ATCAY: variants seen among roughly 807,000 people sequenced by gnomAD.
ATCAY encodes the protein caytaxin.
In ATCAY, 22 loss-of-function variants were observed where a neutral mutation model predicts 47.7. The observed-to-expected ratio is 0.46, with a 90% CI of 0.33 to 0.66. The LOEUF is 0.66. Among genes scored for constraint, ATCAY ranks in the 30% least tolerant of loss-of-function variants. ATCAY has a pLI of 0.02. For missense variants in ATCAY, 452 were observed against 515.0 expected (o/e 0.88, Z 1.18); for synonymous variants, 216 against 207.6 (o/e 1.04, Z -0.35).
intron 9 of ATCAY, among the ~76,000 whole-genome samples, chr19:3,917,404 GA>G (rs1305668403): frequency 6.6e-6 from 1 of 151,802 alleles, no homozygotes; most frequent in Non-Finnish European, 1.5e-5. Context: ...CCAACATAGG[GA>G]AACCCCGTCT....
At position 3,908,384 on chromosome 19, in the gene ATCAY, C is replaced by A. The variant is rs755568668; in HGVS notation, c.647+14C>A. On this transcript the variant is annotated intron_variant, in intron 6 of 12. Coordinates refer to ENST00000450849, the MANE Select transcript of ATCAY (RefSeq NM_033064.5). ...GAACCTCTTCCTGTGAGTCCCCGCCCGCGGCGAGCAGCCTCGGGCCAGCTC... is the reference window on the plus strand; with the variant it reads ...GAACCTCTTCCTGTGAGTCCCCGCCAGCGGCGAGCAGCCTCGGGCCAGCTC... The A allele has an allele frequency of 6.4e-7, 1 of 1,570,080 alleles. No homozygotes were observed. Among genetic ancestry groups the A allele is most frequent in the South Asian group, 1.2e-5 (1 of 85,786 alleles).
chr19:3,907,892 C>A lies in ATCAY; in HGVS notation c.517C>A (p.Pro173Thr). 2.5e-6 allele frequency: 4 copies of A among 1,613,916 alleles called. No individual in the cohort carries two copies. Among genetic ancestry groups the A allele is most frequent in the Non-Finnish European group, 3.4e-6 (4 of 1,179,818 alleles). The part of the protein sequence containing the change: ...EHRIDLHMIR[P>T]YMKVVTHGGY... Reference sequence around the variant, plus strand: ...CCGTATAGACCTGCACATGATCCGGCCTTACATGAAAGTGGTCACCCACGG... The same window carrying A: ...CCGTATAGACCTGCACATGATCCGGACTTACATGAAAGTGGTCACCCACGG... The change falls in exon 5 of 13, where the codon CCT becomes ACT. Residue 173 changes from proline (P) to threonine (T), a missense_variant. Physicochemically the swap from Pro to Thr is conservative, Grantham distance 38 (BLOSUM62 -1). Transcript: ENST00000450849. The surrounding 1 kb of genome is among the most constrained non-coding windows in gnomAD (Gnocchi z 5.1).
At chr19:3,914,231 A>G (rs2038947128) in intron 9 of ATCAY, among the ~76,000 whole-genome samples, 1 of 146,020 alleles carries the variant, frequency 6.8e-6, no homozygotes, top group Admixed American at 6.9e-5. Context: ...GCGAGACTCC[A>G]TCGCAAAAAA....
rs1395129476 is a variant in ATCAY at position 3,908,181 on chromosome 19, G to A, written c.545-87G>A. ...GGAGCCATGCCCTCCCGAGCGTGTGGGCACCGGGACGTGGTGGGTGGTGCG... is the reference window on the plus strand; with the variant it reads ...GGAGCCATGCCCTCCCGAGCGTGTGAGCACCGGGACGTGGTGGGTGGTGCG... On this transcript the variant is annotated intron_variant, in intron 5 of 12. Transcript: ENST00000450849. 8 of 1,218,248 alleles carry A rather than the reference G, an allele frequency of 6.6e-6. No individual in the cohort carries two copies. The Admixed American group carries it at 1.2e-4, about 18-fold the overall frequency. The allele number at this position is 1,218,248 out of a possible 1,614,324, so 75.5% of individuals were successfully genotyped here.
At chr19:3,908,452 C>T in intron 6 of ATCAY, 82 bp downstream of exon 6, 2 of 1,290,326 alleles carry the variant, frequency 1.5e-6, no homozygotes, top group Admixed American at 2.0e-5. Context: ...GCAAGGATTG[C>T]ATTGTGGCCC....
intron 8 of ATCAY, among the ~76,000 whole-genome samples, chr19:3,911,463 G>A (rs2038922010): frequency 1.3e-5 from 2 of 152,032 alleles, no homozygotes; most frequent in Admixed American, 1.3e-4. Context: ...GGTAGAGGCT[G>A]CAGTGAGCTA....
At chr19:3,906,404 G>A (rs1264548253) in intron 4 of ATCAY, among the ~76,000 whole-genome samples, 2 of 150,680 alleles carry the variant, frequency 1.3e-5, no homozygotes, top group Admixed American at 1.3e-4. Context: ...CCGGGTTCAA[G>A]CGATTCTTTT....
At chr19:3,919,274 AAAAT>A (rs2038995400) in intron 11 of ATCAY, among the ~76,000 whole-genome samples, 1 of 149,500 alleles carries the variant, frequency 6.7e-6, no homozygotes. Context: ...CCATCTCAAA[AAAAT>A]AAATAAACAA....
At chr19:3,892,117 T>G (rs1277572377) in intron 2 of ATCAY, among the ~76,000 whole-genome samples, 1 of 152,048 alleles carries the variant, frequency 6.6e-6, no homozygotes, top group Non-Finnish European at 1.5e-5. Flanking sequence ...CTCGAACTAC[T>G]GACCTCAAGT....
In ATCAY at chr19:3,907,688, T is replaced by C. The variant is rs1415258420; in HGVS notation, c.359-46T>C. On this transcript the variant is annotated intron_variant, in intron 4 of 12. Coordinates refer to ENST00000450849, the MANE Select transcript of ATCAY (RefSeq NM_033064.5). This position sits in a 1 kb window ranked among gnomAD's most constrained non-coding sequence, Gnocchi z 5.1. The stretch of plus-strand genomic sequence containing the variant: ...GAAGGCTGAGCAGGAGGGCAGGAGA[T>C]ATCCGGACTCTGGCGTCCATGCGAC... 25 of 1,607,198 alleles carry C rather than the reference T, an allele frequency of 1.6e-5. No homozygotes were observed. The highest frequency in any genetic ancestry group is 2.0e-5 in the Non-Finnish European group (24 of 1,176,006).
chr19:3,881,576 G>T (rs1599271331), intron 1 of ATCAY, among the ~76,000 whole-genome samples: 1 of 151,924 alleles, frequency 6.6e-6, no homozygotes, highest in East Asian at 1.9e-4. Flanking sequence ...GTCTTCTTTT[G>T]GCCGTCCCCA....
At chr19:3,908,204 G>A (rs1018171943) in intron 5 of ATCAY, 64 bp from the exon 6 acceptor site, 63 of 1,407,282 alleles carry the variant, frequency 4.5e-5, no homozygotes, top group South Asian at 9.9e-5. Flanking sequence ...GGTGGGTGGT[G>A]CGCGGGAGGC....
intron 5 of ATCAY, 91 bp downstream of exon 5, chr19:3,908,010 G>A (rs924330449): frequency 6.1e-6 from 9 of 1,470,112 alleles, no homozygotes; most frequent in Middle Eastern, 1.7e-4. Flanking sequence ...GATGCACGGG[G>A]ATGTTAAGCC....
At chr19:3,884,825 A>G (rs1228608439) in intron 1 of ATCAY, among the ~76,000 whole-genome samples, 3 of 152,026 alleles carry the variant, frequency 2.0e-5, no homozygotes, top group Non-Finnish European at 4.4e-5. Flanking sequence ...GGCCGGGCAC[A>G]GTGGTTTACC....
intron 2 of ATCAY, among the ~76,000 whole-genome samples, chr19:3,901,577 A>C (rs1425037742): frequency 6.6e-6 from 1 of 152,172 alleles, no homozygotes; most frequent in Non-Finnish European, 1.5e-5. Context: ...AAGTCATGTG[A>C]TGCTGGGGAA....
At chr19:3,917,660 C>A in intron 9 of ATCAY, 82 bp from the exon 10 acceptor site, 2 of 1,378,468 alleles carry the variant, frequency 1.5e-6, no homozygotes, top group Middle Eastern at 1.9e-4. Context: ...TGTTTCTCTG[C>A]TTGAAAAGGA....
In ATCAY at chr19:3,924,983, C is replaced by T. The variant is rs765579267; in HGVS notation, c.*391C>T. ...CAAGACCCTTCTCTTGCTTGTCACC[C>T]GCTCCAGGTTGGAGCCACAGACACC... On this transcript the variant is annotated 3_prime_UTR_variant, in exon 13 of 13. Coordinates refer to ENST00000450849, the MANE Select transcript of ATCAY (RefSeq NM_033064.5). 3.5e-4 allele frequency: 63 copies of T among 180,044 alleles called. No individual in the cohort carries two copies. The highest frequency in any genetic ancestry group is 7.1e-4 in the Non-Finnish European group (60 of 85,092). 11.2% of individuals were successfully genotyped at this position (180,044 alleles called of 1,614,324 possible).
At chr19:3,887,578 C>T (rs1301249231) in intron 2 of ATCAY, among the ~76,000 whole-genome samples, 1 of 151,268 alleles carries the variant, frequency 6.6e-6, no homozygotes, top group Non-Finnish European at 1.5e-5. Context: ...GCTCCGCCTC[C>T]CGGGTTCACG....
chr19:3,924,882 C>T lies in ATCAY; in HGVS notation c.*290C>T, dbSNP rs2039052995. The T allele has an allele frequency of 2.4e-6, 1 of 423,156 alleles. No homozygotes were observed. The highest frequency in any genetic ancestry group is 4.3e-6 in the Non-Finnish European group (1 of 233,392). 26.2% of individuals were successfully genotyped at this position (423,156 alleles called of 1,614,324 possible). A position where few individuals can be genotyped will look rare whatever the true frequency, so the allele number is the denominator to read the frequency against. On this transcript the variant is annotated 3_prime_UTR_variant, in exon 13 of 13. Coordinates refer to ENST00000450849, the MANE Select transcript of ATCAY (RefSeq NM_033064.5). ...TCTCAGCCGAGGAAGGCAAGAAGCG[C>T]AGGGGGTGGCCCGCGTGGCGTCGGT... is the stretch of plus-strand genomic sequence containing the variant.
Sources: allele counts gnomAD v4.1 joint callset (sites outside exome capture counted in the v4.1 genomes callset), GRCh38; gene constraint gnomAD v4.1.1; non-coding constraint Gnocchi (gnomAD v3.1); transcripts MANE v1.5; gene names NCBI Gene and HGNC (gene_info 2026-07-23, HGNC 2026-07-21).